Variants in TMEM74 observed in about 807,000 individuals in gnomAD.
TMEM74 encodes transmembrane protein 74.
Under a neutral mutation model 18.1 loss-of-function variants are expected in TMEM74, and 13 were observed. The ratio of observed to expected loss-of-function variants is 0.72; its 90% CI spans 0.47 to 1.14. The LOEUF is 1.14. Among genes scored for constraint, TMEM74 ranks in the 50% most tolerant of loss-of-function variants. The probability of loss-of-function intolerance (pLI) is 0.00; values close to 1 mark genes in which losing one functional copy is unlikely to be tolerated. For missense variants in TMEM74, 372 were observed against 375.9 expected, an observed-to-expected ratio of 0.99 and a Z score of 0.09; for synonymous variants, 159 against 146.6, an observed-to-expected ratio of 1.08 and a Z score of -0.61.
intron 1 of TMEM74, among the ~76,000 whole-genome samples, chr8:108,726,080 G>T (rs891757418): frequency 2.0e-5 from 3 of 152,148 alleles, no homozygotes; most frequent in African/African-American, 7.2e-5. Flanking sequence ...GGGCCATATT[G>T]ATTGGGCCTG....
chr8:108,671,013 A>C (rs1334440377), intron 1 of TMEM74, among the ~76,000 whole-genome samples: 1 of 152,172 alleles, frequency 6.6e-6, no homozygotes, highest in Non-Finnish European at 1.5e-5. Flanking sequence ...TTTGAAAGTG[A>C]GTATACAGTT....
chr8:108,641,899 G>A (rs1014661580), intron 2 of TMEM74, among the ~76,000 whole-genome samples: 3 of 151,918 alleles, frequency 2.0e-5, no homozygotes, highest in East Asian at 3.9e-4. Context: ...TCTTTTGAGG[G>A]GAGCACTGAA....
intron 1 of TMEM74, among the ~76,000 whole-genome samples, chr8:108,746,128 G>A (rs1813846367): frequency 6.6e-6 from 1 of 152,032 alleles, no homozygotes; most frequent in African/African-American, 2.4e-5. Flanking sequence ...GGCTCGTCCT[G>A]CTTCAACTCC....
At chr8:108,730,593 T>G (rs768452408) in intron 1 of TMEM74, among the ~76,000 whole-genome samples, 11 of 151,964 alleles carry the variant, frequency 7.2e-5, no homozygotes, top group Non-Finnish European at 1.6e-4. Context: ...ATCTCCAGAA[T>G]GTAAAACTAT....
chr8:108,683,571 CT>C (rs1217822208), intron 1 of TMEM74, among the ~76,000 whole-genome samples: 3 of 151,794 alleles, frequency 2.0e-5, no homozygotes, highest in African/African-American at 4.8e-5. Flanking sequence ...TCAATCCATT[CT>C]TTTAAAAATT....
intron 1 of TMEM74, among the ~76,000 whole-genome samples, chr8:108,730,346 G>T (rs1269125619): frequency 6.6e-6 from 1 of 152,040 alleles, no homozygotes; most frequent in Non-Finnish European, 1.5e-5. Context: ...AGCACTCCTT[G>T]GCAGGGCTGC....
At chr8:108,695,075 TGGG>T (rs1307691005) in intron 1 of TMEM74, among the ~76,000 whole-genome samples, 1 of 152,110 alleles carries the variant, frequency 6.6e-6, no homozygotes, top group Non-Finnish European at 1.5e-5. Context: ...CTGGATGAGT[TGGG>T]GGCCTGGCTG....
chr8:108,735,040 T>A (rs1022709831), intron 1 of TMEM74, among the ~76,000 whole-genome samples: 1 of 152,226 alleles, frequency 6.6e-6, no homozygotes, highest in African/African-American at 2.4e-5. Context: ...TTTGTAAATC[T>A]ATCTCTAATT....
At chr8:108,717,946 T>TAAAAGGACCCCCTGGC (rs1232594766) in intron 1 of TMEM74, among the ~76,000 whole-genome samples, 1 of 39,882 alleles carries the variant, frequency 2.5e-5, no homozygotes, top group African/African-American at 9.7e-5. Context: ...ACTTAGGTTT[T>TAAAAGGACCCCCTGGC]TTTTTTTTTT....
At chr8:108,626,542 C>G (rs1413090386) in intron 2 of TMEM74, 2 of 152,076 alleles carry the variant, frequency 1.3e-5, no homozygotes, top group Non-Finnish European at 2.9e-5. Flanking sequence ...TATTTCTCCA[C>G]TGCTTTTCAT....
At chr8:108,719,650 C>A (rs983538528) in intron 1 of TMEM74, among the ~76,000 whole-genome samples, 2 of 152,190 alleles carry the variant, frequency 1.3e-5, no homozygotes, top group East Asian at 3.9e-4. Context: ...AATATCCAAA[C>A]TGGAATTTCA....
At chr8:108,625,178 C>T (rs1812481976) in intron 2 of TMEM74, among the ~76,000 whole-genome samples, 1 of 151,884 alleles carries the variant, frequency 6.6e-6, no homozygotes, top group Admixed American at 6.6e-5. Flanking sequence ...GCTTATCTTG[C>T]ATATTTGTTA....
At position 108,626,164 on chromosome 8, in the gene TMEM74, C is replaced by A. The variant is rs991954046; in HGVS notation, n.265-17338G>T. Among the ~76,000 whole-genome samples the A allele has an allele frequency of 1.1e-4, 17 of 152,118 alleles. No individual in the cohort carries two copies. In the South Asian group the frequency reaches 3.5e-3, roughly 32 times the overall value. ...CACTATTCTATTGTTTGTATTACAA[C>A]TATTTTCTACATTATTTACATTATT... On this transcript the variant is annotated intron_variant and non_coding_transcript_variant, in intron 2 of 3. Transcript: ENST00000518838.
intron 1 of TMEM74, among the ~76,000 whole-genome samples, chr8:108,664,078 A>G (rs1812926290): frequency 6.6e-6 from 1 of 152,162 alleles, no homozygotes; most frequent in South Asian, 2.1e-4. Context: ...CTATGTAACA[A>G]AACTGCACAT....
intron 2 of TMEM74, among the ~76,000 whole-genome samples, chr8:108,645,188 C>G (rs1812706495): frequency 6.6e-6 from 1 of 152,130 alleles, no homozygotes; most frequent in Non-Finnish European, 1.5e-5. Context: ...TGAATGAAAT[C>G]ATGACCTTTG....
chr8:108,688,959 C>T (rs985847624), intron 1 of TMEM74, among the ~76,000 whole-genome samples: 1 of 152,134 alleles, frequency 6.6e-6, no homozygotes, highest in African/African-American at 2.4e-5. Flanking sequence ...ATGTACAAAC[C>T]TCTTCTCTAG....
At chr8:108,724,165 A>G (rs186521733) in intron 1 of TMEM74, among the ~76,000 whole-genome samples, 5 of 152,200 alleles carry the variant, frequency 3.3e-5, no homozygotes, top group Middle Eastern at 3.4e-3. Context: ...GCAGAGTTCA[A>G]TTATCCTATT....
intron 1 of TMEM74, among the ~76,000 whole-genome samples, chr8:108,702,343 T>TAAAAAAAAAA: frequency 1.1e-5 from 1 of 95,096 alleles, no homozygotes; most frequent in Non-Finnish European, 2.0e-5. Context: ...AGACTCCATC[T>TAAAAAAAAAA]AAAAAAAAAA....
At chr8:108,742,980 C>T (rs537648242) in intron 1 of TMEM74, among the ~76,000 whole-genome samples, 3 of 152,272 alleles carry the variant, frequency 2.0e-5, no homozygotes, top group South Asian at 2.1e-4. Flanking sequence ...AACTTGAAGA[C>T]GATTTTTTTG....
Sources: allele counts gnomAD v4.1 joint callset (sites outside exome capture counted in the v4.1 genomes callset), GRCh38; gene constraint gnomAD v4.1.1; transcripts MANE v1.5; gene names NCBI Gene and HGNC (gene_info 2026-07-23, HGNC 2026-07-21).